SLC28A2: variants seen among roughly 807,000 people sequenced by gnomAD.
SLC28A2 encodes solute carrier family 28 member 2.
A neutral mutation model predicts 72.9 loss-of-function variants in SLC28A2; 69 were observed. That is an observed-to-expected ratio of 0.95 (90% confidence interval 0.78 to 1.16). The LOEUF (loss-of-function observed/expected upper bound fraction) is 1.16. Ranked by LOEUF, SLC28A2 falls within the 50% of genes most tolerant of loss-of-function variation. The pLI, the probability that SLC28A2 is intolerant of heterozygous loss-of-function variation, is 0.00. For synonymous variants in SLC28A2, 296 were observed against 294.1 expected, an observed-to-expected ratio of 1.01 and a Z score of -0.07; for missense variants, 745 against 791.1, an observed-to-expected ratio of 0.94 and a Z score of 0.70.
At chr15:45,271,859 A>G (rs1302069261) in intron 15 of SLC28A2, 1 of 157,088 alleles carries the variant, frequency 6.4e-6, no homozygotes, top group African/African-American at 2.4e-5. Flanking sequence ...TGGGATATGC[A>G]TTGTGTGGCT....
Position 45,263,930 on chromosome 15 carries a change from G to C in SLC28A2, c.496G>C (p.Asp166His), listed in dbSNP as rs762393561. 1.2e-6 allele frequency: 2 copies of C among 1,613,682 alleles called. No individual in the cohort carries two copies. Among genetic ancestry groups the C allele is most frequent in the East Asian group, 2.2e-5 (1 of 44,884 alleles). ...LVGLILWLAL[D>H]TAQRPEQLIP... The stretch of plus-strand genomic sequence containing the variant: ...TGGCCTTATACTGTGGTTGGCTTTA[G>C]ACACAGCCCAAAGGCCAGAGCAGCT... The change falls in exon 6 of 18, where the codon GAC becomes CAC. Residue 166 changes from aspartate to histidine, a missense_variant. Physicochemically the swap from Asp to His is moderately conservative, Grantham distance 81. Coordinates refer to ENST00000347644, the MANE Select transcript of SLC28A2 (RefSeq NM_004212.4).
At chr15:45,264,258 A>G (rs946194624) in intron 6 of SLC28A2, among the ~76,000 whole-genome samples, 2 of 152,234 alleles carry the variant, frequency 1.3e-5, no homozygotes, top group African/African-American at 4.8e-5. Flanking sequence ...CTTGATACCA[A>G]TTTTGCGAAT....
intron 8 of SLC28A2, 115 bp downstream of exon 8, chr15:45,265,281 A>T: frequency 6.4e-6 from 5 of 777,996 alleles, no homozygotes; most frequent in Non-Finnish European, 9.3e-6. Context: ...TTTGACCCTA[A>T]CAAGAGGGTT....
chr15:45,275,007 C>T (rs931165739), intron 17 of SLC28A2, among the ~76,000 whole-genome samples: 1 of 152,112 alleles, frequency 6.6e-6, no homozygotes, highest in East Asian at 1.9e-4. Flanking sequence ...TGAAAGACAA[C>T]GTTTTTGTCC....
In SLC28A2 at chr15:45,267,418, C is replaced by A. The variant is rs368308265; in HGVS notation, c.943-37C>A. On this transcript the variant is annotated intron_variant, in intron 10 of 17. Transcript: ENST00000347644. ...GGGCACACTGGCATGGGGAGTTACA[C>A]CTTCTTGGAATCTGACTGTTTTCTC... 5 of 1,612,894 alleles carry A rather than the reference C, an allele frequency of 3.1e-6. No homozygotes were observed. In the Admixed American group the frequency reaches 6.7e-5, roughly 22 times the overall value.
In SLC28A2 at chr15:45,275,490, TACA is replaced by T. The variant is rs752034832; in HGVS notation, c.1959_1961del (p.Asn654del). 3.7e-5 allele frequency: 60 copies of T among 1,601,040 alleles called. No individual in the cohort carries two copies. Among genetic ancestry groups the T allele is most frequent in the Non-Finnish European group, 4.9e-5 (57 of 1,168,156 alleles). On this transcript the variant is annotated inframe_deletion, in exon 18 of 18. Transcript: ENST00000347644. ...GGCCCTTACTAACTGCTGTGGATTC[TACA>T]ACAATACCGTCTGTGCCTAAGGCTG... is the stretch of plus-strand genomic sequence containing the variant.
intron 3 of SLC28A2, among the ~76,000 whole-genome samples, chr15:45,260,594 A>C (rs1900129284): frequency 6.6e-6 from 1 of 152,060 alleles, no homozygotes; most frequent in Non-Finnish European, 1.5e-5. Context: ...TCATCTCTAC[A>C]AAAATTTAAA....
At chr15:45,263,270 C>A (rs1390238163) in intron 5 of SLC28A2, 26 bp downstream of exon 5, 12 of 1,606,460 alleles carry the variant, frequency 7.5e-6, no homozygotes, top group Non-Finnish European at 1.0e-5. Context: ...CAATACCTGG[C>A]CTCACAGCTT....
In SLC28A2 at chr15:45,263,239, G is replaced by C. The variant is rs781420040; in HGVS notation, c.441G>C (p.Thr147=). 2 of 1,613,054 alleles carry C rather than the reference G, an allele frequency of 1.2e-6. No individual in the cohort carries two copies. The highest frequency in any genetic ancestry group is 1.7e-6 in the Non-Finnish European group (2 of 1,179,642). Residue 147 remains threonine, a synonymous_variant, in exon 5 of 18, where the codon ACG becomes ACC. Transcript: ENST00000347644. The stretch of plus-strand genomic sequence containing the variant: ...AAAACTCCCGCCTGAGGCTTTGGAC[G>C]AAATGGTAAGATAAGAATCTCAATA... ...PFENSRLRLW[T]KWVFAGVSLV...
chr15:45,275,415 A>G lies in SLC28A2; in HGVS notation c.1879A>G (p.Asn627Asp), dbSNP rs753731208. 7 of 1,610,636 alleles carry G rather than the reference A, an allele frequency of 4.3e-6. No homozygotes were observed. The highest frequency in any genetic ancestry group is 5.1e-6 in the Non-Finnish European group (6 of 1,176,892). The change falls in exon 18 of 18, where the codon AAC becomes GAC. Residue 627 changes from asparagine (N) to aspartate (D), a missense_variant. Asn to Asp is a conservative substitution (Grantham distance 23, BLOSUM62 1). Transcript: ENST00000347644. ...CTGCAGTACTTCTCTGAATGGCACC[A>G]ACCCTCCTTCTTTTTCTGGTCCCTG... Reference protein sequence around the residue: ...LFQSTSLNGTNPPSFSGPWED... With the variant: ...LFQSTSLNGTDPPSFSGPWED...
chr15:45,253,687 A>C, intron 3 of SLC28A2, 167 bp downstream of exon 3: 2 of 538,554 alleles, frequency 3.7e-6, no homozygotes, highest in Non-Finnish European at 6.7e-6. Context: ...CTCCATAAAA[A>C]AAAAGGAGTT....
At chr15:45,274,467 G>A (rs565450319) in intron 17 of SLC28A2, among the ~76,000 whole-genome samples, 6 of 152,222 alleles carry the variant, frequency 3.9e-5, no homozygotes, top group East Asian at 1.9e-4. Context: ...GCCGTGATCC[G>A]TATCACTGCA....
intron 3 of SLC28A2, among the ~76,000 whole-genome samples, chr15:45,259,895 G>C (rs1459693027): frequency 6.6e-6 from 1 of 152,120 alleles, no homozygotes; most frequent in Non-Finnish European, 1.5e-5. Context: ...ATCTACTCTT[G>C]GACTAGTCCA....
Position 45,272,686 on chromosome 15 carries a change from C to T in SLC28A2, c.1761C>T (p.Val587=). ...TCCTTTATCCAGGAATCCTCTATGT[C>T]CCCAGGGGAGCTGAAGCTGACTGTG... ...ISACMAGILY[V]PRGAEADCVS... Residue 587 remains valine (V), a synonymous_variant, in exon 17 of 18, where the codon GTC becomes GTT. Transcript: ENST00000347644. 2 of 1,596,372 alleles carry T rather than the reference C, an allele frequency of 1.3e-6. No homozygotes were observed. Among genetic ancestry groups the T allele is most frequent in the African/African-American group, 1.3e-5 (1 of 74,636 alleles).
At chr15:45,269,910 C>T (rs754514203) in intron 14 of SLC28A2, among the ~76,000 whole-genome samples, 1 of 152,100 alleles carries the variant, frequency 6.6e-6, no homozygotes, top group Non-Finnish European at 1.5e-5. Context: ...TTTTTCTTTC[C>T]CTTTGCCTCT....
At position 45,263,917 on chromosome 15, in the gene SLC28A2, G is replaced by A. The variant is rs951792217; in HGVS notation, c.483G>A (p.Leu161=). Residue 161 remains leucine, a synonymous_variant, in exon 6 of 18, where the codon CTG becomes CTA. Transcript: ENST00000347644. ...GAGTCTCCTTGGTTGGCCTTATACT[G>A]TGGTTGGCTTTAGACACAGCCCAAA... ...FAGVSLVGLI[L]WLALDTAQRP... is the part of the protein sequence containing the mutation. 3 of 1,613,288 alleles carry A rather than the reference G, an allele frequency of 1.9e-6. No homozygotes were observed. The highest frequency in any genetic ancestry group is 2.2e-5 in the East Asian group (1 of 44,896).
At chr15:45,264,594 ACT>A in intron 6 of SLC28A2, 59 bp from the exon 7 acceptor site, 1 of 1,171,060 alleles carries the variant, frequency 8.5e-7, no homozygotes, top group Non-Finnish European at 1.3e-6. Flanking sequence ...CATGTTTAAA[ACT>A]CCAACCAGGT....
intron 14 of SLC28A2, among the ~76,000 whole-genome samples, 170 bp downstream of exon 14, chr15:45,269,705 C>T (rs919151375): frequency 4.6e-5 from 7 of 152,142 alleles, no homozygotes; most frequent in African/African-American, 7.2e-5. Flanking sequence ...TCATCTGCAG[C>T]GCCTGAGCTA....
chr15:45,272,085 C>G (rs1401931050), intron 15 of SLC28A2: 11 of 530,688 alleles, frequency 2.1e-5, no homozygotes, highest in Admixed American at 6.8e-5. Flanking sequence ...AATACTTGAT[C>G]TGAGGAAAGT....
Sources: allele counts gnomAD v4.1 joint callset (sites outside exome capture counted in the v4.1 genomes callset), GRCh38; gene constraint gnomAD v4.1.1; transcripts MANE v1.5; gene names NCBI Gene and HGNC (gene_info 2026-07-23, HGNC 2026-07-21).